GALNT17: variants seen among roughly 807,000 people sequenced by gnomAD.
GALNT17 encodes the protein UDP-GalNAc:polypeptide N-acetylgalactosaminyltransferase-like 3.
GALNT17 carries 29 observed loss-of-function variants against 63.7 expected under a neutral mutation model. The ratio of observed to expected loss-of-function variants is 0.46; its 90% CI spans 0.34 to 0.62. GALNT17 has a LOEUF of 0.62. Ranked by LOEUF, GALNT17 falls within the 20% of genes least tolerant of loss-of-function variation. The pLI is 0.01. For missense variants in GALNT17, 603 were observed against 799.6 expected (o/e 0.75, Z 2.97); for synonymous variants, 305 against 318.3 (o/e 0.96, Z 0.45).
intron 6 of GALNT17, among the ~76,000 whole-genome samples, chr7:71,642,907 C>T (rs1188572913): frequency 6.6e-6 from 1 of 152,186 alleles, no homozygotes; most frequent in Non-Finnish European, 1.5e-5. Flanking sequence ...TCCCTTGAGG[C>T]AGTGCCCTGC....
At chr7:71,414,343 A>G (rs1793486417) in intron 3 of GALNT17, among the ~76,000 whole-genome samples, 3 of 152,234 alleles carry the variant, frequency 2.0e-5, no homozygotes, top group Admixed American at 2.0e-4. Flanking sequence ...AATAATTATG[A>G]TAAACCAATT....
At chr7:71,699,365 A>G (rs1791594899) in intron 9 of GALNT17, among the ~76,000 whole-genome samples, 1 of 150,142 alleles carries the variant, frequency 6.7e-6, no homozygotes, top group African/African-American at 2.4e-5. Flanking sequence ...AGTCCCAGCT[A>G]CTCCGGAGTC....
At chr7:71,375,413 G>A (rs1273194543) in intron 2 of GALNT17, among the ~76,000 whole-genome samples, 1 of 151,876 alleles carries the variant, frequency 6.6e-6, no homozygotes, top group African/African-American at 2.4e-5. Context: ...TTGAGTGAGA[G>A]CAAAGGGTTT....
chr7:71,391,843 C>T (rs1236501902), intron 3 of GALNT17, among the ~76,000 whole-genome samples: 2 of 152,016 alleles, frequency 1.3e-5, no homozygotes, highest in African/African-American at 4.8e-5. Flanking sequence ...GCAGAATGTA[C>T]AAGAACCATG....
rs141667469 is a variant in GALNT17, at chr7:71,231,502, G to A, written c.238+98462G>A. On this transcript the variant is annotated intron_variant, in intron 1 of 10. Coordinates refer to ENST00000333538, the MANE Select transcript of GALNT17 (RefSeq NM_022479.3). ...ATGGGTGTTTTAGTCGGCTTGGGCT[G>A]CTGTAATGAAATACCATAGACTGAG... is the stretch of plus-strand genomic sequence containing the variant. Among the ~76,000 whole-genome samples, 374 of 152,224 alleles carry A rather than the reference G, an allele frequency of 2.5e-3. 1 individual carries two copies. The highest frequency in any genetic ancestry group is 8.1e-3 in the African/African-American group (338 of 41,544).
chr7:71,241,432 T>C (rs999289018), intron 1 of GALNT17, among the ~76,000 whole-genome samples: 4 of 152,192 alleles, frequency 2.6e-5, no homozygotes, highest in Non-Finnish European at 4.4e-5. Context: ...TCTCTTGCAT[T>C]GTGGTCGCCT....
intron 5 of GALNT17, among the ~76,000 whole-genome samples, chr7:71,422,534 CAG>C (rs1233525261): frequency 2.6e-5 from 4 of 152,200 alleles, no homozygotes; most frequent in Non-Finnish European, 4.4e-5. Flanking sequence ...GGGCATATGA[CAG>C]GGGTGTGGCT....
At chr7:71,494,999 A>G (rs977667917) in intron 5 of GALNT17, among the ~76,000 whole-genome samples, 2 of 152,212 alleles carry the variant, frequency 1.3e-5, no homozygotes, top group Non-Finnish European at 2.9e-5. Flanking sequence ...GGCCAGGTGC[A>G]GTGGCTCATG....
At chr7:71,605,273 T>C (rs1790028356) in intron 6 of GALNT17, among the ~76,000 whole-genome samples, 1 of 152,094 alleles carries the variant, frequency 6.6e-6, no homozygotes, top group Non-Finnish European at 1.5e-5. Flanking sequence ...CTACTAGGTT[T>C]CCGACAGAGG....
rs190128339 is a variant in GALNT17, at chr7:71,390,484, T to C, written c.589+2083T>C. On this transcript the variant is annotated intron_variant, in intron 3 of 10. Transcript: ENST00000333538. ...TTTCCTTACCTTTGGCCATTAGTTATCTATAGATTCTTCTAAACCTGAGAA... is the reference window on the plus strand; with the variant it reads ...TTTCCTTACCTTTGGCCATTAGTTACCTATAGATTCTTCTAAACCTGAGAA... Among the ~76,000 whole-genome samples, 47 of 152,304 alleles carry C rather than the reference T, an allele frequency of 3.1e-4. 4 individuals are homozygous for C. The highest frequency in any genetic ancestry group is 2.9e-3 in the East Asian group (15 of 5,178).
chr7:71,490,896 T>TA (rs1320595713), intron 5 of GALNT17, among the ~76,000 whole-genome samples: 5 of 150,626 alleles, frequency 3.3e-5, no homozygotes, highest in African/African-American at 9.8e-5. Context: ...CCTGTCTCTT[T>TA]AAAAAAAGGA....
intron 1 of GALNT17, among the ~76,000 whole-genome samples, chr7:71,294,087 G>T (rs535799852): frequency 6.6e-6 from 1 of 151,840 alleles, no homozygotes; most frequent in Non-Finnish European, 1.5e-5. Context: ...GTGTGAACCC[G>T]GGAGGTGGAG....
intron 1 of GALNT17, among the ~76,000 whole-genome samples, chr7:71,160,309 AAAC>A (rs142664770): frequency 5.7e-4 from 87 of 152,348 alleles, no homozygotes; most frequent in African/African-American, 2.0e-3. Context: ...CCATATTATT[AAAC>A]ACCTTATAAA....
At chr7:71,328,330 C>T (rs1342809484) in intron 1 of GALNT17, among the ~76,000 whole-genome samples, 5 of 152,194 alleles carry the variant, frequency 3.3e-5, no homozygotes, top group Admixed American at 3.3e-4. Context: ...TTCTCGCAGG[C>T]CTGGTGCCAA....
intron 6 of GALNT17, among the ~76,000 whole-genome samples, chr7:71,582,845 A>G (rs1789656371): frequency 2.0e-5 from 3 of 152,104 alleles, no homozygotes. Context: ...GAGGGAAAAA[A>G]GACTACAAAT....
At position 71,224,956 on chromosome 7, in the gene GALNT17, C is replaced by T. The variant is rs542471879; in HGVS notation, c.238+91916C>T. ...GTTTTCTTGGCAACTTCAGTCCTAA[C>T]CAGCATAAACTCATTATTTTATTTT... is the stretch of plus-strand genomic sequence containing the variant. On this transcript the variant is annotated intron_variant, in intron 1 of 10. Coordinates refer to ENST00000333538, the MANE Select transcript of GALNT17 (RefSeq NM_022479.3). Among the ~76,000 whole-genome samples the T allele has an allele frequency of 5.3e-5, 8 of 152,198 alleles. No homozygotes were observed. The South Asian group carries it at 1.5e-3, about 28-fold the overall frequency.
chr7:71,654,253 C>T (rs1351991458), intron 6 of GALNT17, among the ~76,000 whole-genome samples: 5 of 152,102 alleles, frequency 3.3e-5, no homozygotes, highest in Admixed American at 3.3e-4. Context: ...CTGACGTGAT[C>T]CGCCCGCCTC....
Position 71,669,560 on chromosome 7 carries a change from C to CTT in GALNT17, c.1267-394_1267-393dup, listed in dbSNP as rs563584462. Among the ~76,000 whole-genome samples the CTT allele has an allele frequency of 8.5e-4, 106 of 125,010 alleles. 1 individual carries two copies. Among genetic ancestry groups the CTT allele is most frequent in the African/African-American group, 2.7e-3 (92 of 34,556 alleles). 82.0% of individuals were successfully genotyped at this position (125,010 alleles called of 152,430 possible). ...TGAATAAGCATACGAGGCTTAAGATCTTTTTTTTTTTTTTTTTTTGAGACA... is the reference window on the plus strand; with the variant it reads ...TGAATAAGCATACGAGGCTTAAGATCTTTTTTTTTTTTTTTTTTTTTGAGACA... On this transcript the variant is annotated intron_variant, in intron 7 of 10. Coordinates refer to ENST00000333538, the MANE Select transcript of GALNT17 (RefSeq NM_022479.3).
chr7:71,702,738 G>T (rs1791670325), intron 9 of GALNT17, among the ~76,000 whole-genome samples: 1 of 152,208 alleles, frequency 6.6e-6, no homozygotes, highest in East Asian at 1.9e-4. Flanking sequence ...ATCAAGAAAG[G>T]AAGTTGGCTT....
Sources: allele counts gnomAD v4.1 joint callset (sites outside exome capture counted in the v4.1 genomes callset), GRCh38; gene constraint gnomAD v4.1.1; transcripts MANE v1.5; gene names NCBI Gene and HGNC (gene_info 2026-07-23, HGNC 2026-07-21).